The following DOCK2 variants were observed in gnomAD, a reference collection of about 807,000 sequenced individuals.
The protein encoded by DOCK2 is dedicator of cytokinesis 2.
A neutral mutation model predicts 248.9 loss-of-function variants in DOCK2; 87 were observed. That is an observed-to-expected ratio of 0.35 (90% CI 0.29 to 0.42). The LOEUF (loss-of-function observed/expected upper bound fraction) is 0.42. DOCK2 is among the 10% of genes least tolerant of loss of function. DOCK2 has a pLI of 1.00. For missense variants in DOCK2, 1,747 were observed against 2,300.2 expected (o/e 0.76, Z 4.92); for synonymous variants, 805 against 821.6 (o/e 0.98, Z 0.35).
chr5:169,788,744 CAAAT>C (rs1015454953), intron 25 of DOCK2, among the ~76,000 whole-genome samples: 5 of 152,124 alleles, frequency 3.3e-5, no homozygotes, highest in African/African-American at 4.8e-5. Context: ...AACACATGAA[CAAAT>C]AATGTGCAAA....
chr5:169,889,370 G>A (rs1773157520), intron 27 of DOCK2, among the ~76,000 whole-genome samples: 3 of 152,162 alleles, frequency 2.0e-5, no homozygotes, highest in African/African-American at 7.2e-5. Flanking sequence ...CTGTTGTGAG[G>A]TGGGCACTGT....
intron 30 of DOCK2, among the ~76,000 whole-genome samples, chr5:169,996,492 C>G (rs1754640104): frequency 6.6e-6 from 1 of 152,080 alleles, no homozygotes; most frequent in African/African-American, 2.4e-5. Flanking sequence ...TTCTCTGGAA[C>G]CAAAAGGGCA....
intron 44 of DOCK2, among the ~76,000 whole-genome samples, chr5:170,062,918 C>T (rs981225399): frequency 1.3e-5 from 2 of 152,100 alleles, no homozygotes; most frequent in African/African-American, 4.8e-5. Context: ...CAAATATTAA[C>T]CCACTGGCAG....
chr5:170,021,075 G>A (rs932018834), intron 33 of DOCK2, among the ~76,000 whole-genome samples: 7 of 152,248 alleles, frequency 4.6e-5, no homozygotes, highest in African/African-American at 1.4e-4. Flanking sequence ...ATATCACTGT[G>A]AGAGGTAGCA....
At chr5:169,993,850 T>G (rs1181348064) in intron 29 of DOCK2, among the ~76,000 whole-genome samples, 1 of 152,066 alleles carries the variant, frequency 6.6e-6, no homozygotes, top group Non-Finnish European at 1.5e-5. Flanking sequence ...TGGAGCAACT[T>G]TCAATCAGTG....
At chr5:169,966,368 C>T (rs540310875) in intron 27 of DOCK2, among the ~76,000 whole-genome samples, 2 of 152,206 alleles carry the variant, frequency 1.3e-5, no homozygotes, top group South Asian at 4.1e-4. Context: ...GTAGCTTTAC[C>T]ACATAACCCA....
chr5:169,659,554 G>A (rs546334304), intron 2 of DOCK2, among the ~76,000 whole-genome samples: 6 of 152,176 alleles, frequency 3.9e-5, no homozygotes, highest in Non-Finnish European at 5.9e-5. Flanking sequence ...GCTGAATGAA[G>A]AGGGAAAACA....
chr5:169,864,825 A>G (rs1430808755), intron 27 of DOCK2, among the ~76,000 whole-genome samples: 1 of 152,224 alleles, frequency 6.6e-6, no homozygotes, highest in African/African-American at 2.4e-5. Context: ...ATGCAGAGGA[A>G]CAGACAAGAA....
At chr5:169,952,503 C>T (rs1484854018) in intron 27 of DOCK2, among the ~76,000 whole-genome samples, 1 of 152,080 alleles carries the variant, frequency 6.6e-6, no homozygotes, top group Non-Finnish European at 1.5e-5. Context: ...TTAATGCTCC[C>T]CACACATGGG....
chr5:170,077,792 C>G lies in DOCK2; in HGVS notation c.4949C>G (p.Ser1650Cys). 1 of 1,613,884 alleles carries G rather than the reference C, an allele frequency of 6.2e-7. No individual in the cohort carries two copies. ...CAGATGTCCATCATCTCTCTGGCTT[C>G]CATGAATTCTGACTGCAGCACCCCC... is the stretch of plus-strand genomic sequence containing the variant. ...YRQMSIISLA[S>C]MNSDCSTPSK... The change falls in exon 48 of 52, where the codon TCC (serine) becomes TGC (cysteine). Residue 1650 changes from serine to cysteine, a missense_variant. By Grantham distance (112) the Ser-to-Cys change is moderately radical (BLOSUM62 -1). Transcript: ENST00000520908.
At chr5:170,069,791 G>T (rs1238899615) in intron 46 of DOCK2, among the ~76,000 whole-genome samples, 1 of 152,130 alleles carries the variant, frequency 6.6e-6, no homozygotes, top group Non-Finnish European at 1.5e-5. Flanking sequence ...TTTCGGGCTG[G>T]CCACTTACCT....
intron 25 of DOCK2, among the ~76,000 whole-genome samples, chr5:169,801,146 GTT>G (rs60574755): frequency 0.33 from 25,696 of 76,904 alleles, 4,951 homozygotes; most frequent in African/African-American, 0.57. Flanking sequence ...ATAGTTTTGG[GTT>G]TTTTTTTTTT....
intron 27 of DOCK2, among the ~76,000 whole-genome samples, chr5:169,904,575 C>T (rs1305444970): frequency 6.6e-6 from 1 of 152,100 alleles, no homozygotes; most frequent in African/African-American, 2.4e-5. Context: ...GCGACCTCAG[C>T]AGCACCATCA....
At chr5:169,925,184 G>A (rs1433267541) in intron 27 of DOCK2, among the ~76,000 whole-genome samples, 2 of 152,152 alleles carry the variant, frequency 1.3e-5, no homozygotes, top group Admixed American at 1.3e-4. Flanking sequence ...CTCTGTAGTA[G>A]GGAGCTGAGG....
intron 27 of DOCK2, among the ~76,000 whole-genome samples, chr5:169,857,620 A>G (rs1770968181): frequency 1.3e-5 from 2 of 152,108 alleles, no homozygotes; most frequent in African/African-American, 4.8e-5. Flanking sequence ...TAATTTCTAT[A>G]AAGAGCTGAG....
chr5:169,923,544 A>G (rs1458499887), intron 27 of DOCK2, among the ~76,000 whole-genome samples: 1 of 152,098 alleles, frequency 6.6e-6, no homozygotes, highest in Non-Finnish European at 1.5e-5. Flanking sequence ...CCAGAAATTT[A>G]TCTGTAGGCC....
intron 25 of DOCK2, among the ~76,000 whole-genome samples, chr5:169,798,601 C>T (rs1429864977): frequency 2.0e-5 from 3 of 152,312 alleles, no homozygotes; most frequent in South Asian, 2.1e-4. Context: ...TTTATGACCA[C>T]TCCTAATAGG....
At chr5:169,900,896 T>A (rs894867898) in intron 27 of DOCK2, among the ~76,000 whole-genome samples, 1 of 151,884 alleles carries the variant, frequency 6.6e-6, no homozygotes, top group African/African-American at 2.4e-5. Flanking sequence ...CGATTAGGAG[T>A]TCACCATATA....
chr5:169,681,280 T>A (rs948451427), intron 6 of DOCK2, among the ~76,000 whole-genome samples: 1 of 151,854 alleles, frequency 6.6e-6, no homozygotes, highest in African/African-American at 2.4e-5. Flanking sequence ...CTCACCACCA[T>A]GCCTGGCTAA....
Sources: allele counts gnomAD v4.1 joint callset (sites outside exome capture counted in the v4.1 genomes callset), GRCh38; gene constraint gnomAD v4.1.1; transcripts MANE v1.5; gene names NCBI Gene and HGNC (gene_info 2026-07-23, HGNC 2026-07-21).